CTNND2: variants seen among roughly 807,000 people sequenced by gnomAD.
The protein encoded by CTNND2 is catenin delta-2.
A neutral mutation model predicts 144.4 loss-of-function variants in CTNND2; 22 were observed. That is an observed-to-expected ratio of 0.15 (90% confidence interval 0.11 to 0.22). The LOEUF is 0.22. Among genes scored for constraint, CTNND2 ranks in the 10% least tolerant of loss-of-function variants. The probability of loss-of-function intolerance (pLI) is 1.00; values close to 1 mark genes in which losing one functional copy is unlikely to be tolerated. For missense variants in CTNND2, 1,353 were observed against 1,618.8 expected, an observed-to-expected ratio of 0.84 and a Z score of 2.82; for synonymous variants, 751 against 695.6, an observed-to-expected ratio of 1.08 and a Z score of -1.25.
At chr5:11,088,308 G>A (rs1051697477) in intron 15 of CTNND2, among the ~76,000 whole-genome samples, 10 of 152,148 alleles carry the variant, frequency 6.6e-5, no homozygotes, top group South Asian at 6.2e-4. Flanking sequence ...TGACCACAGT[G>A]GAGGTCCAAA....
intron 12 of CTNND2, among the ~76,000 whole-genome samples, chr5:11,146,861 G>T (rs1757290377): frequency 6.6e-6 from 1 of 152,188 alleles, no homozygotes; most frequent in South Asian, 2.1e-4. Flanking sequence ...CAGTTACATG[G>T]CTCTACCCAA....
intron 16 of CTNND2, among the ~76,000 whole-genome samples, chr5:11,060,851 G>A (rs1746886010): frequency 6.6e-6 from 1 of 152,166 alleles, no homozygotes. Flanking sequence ...GGGTTAATGA[G>A]CCAAGAAATG....
intron 18 of CTNND2, among the ~76,000 whole-genome samples, chr5:11,012,580 C>T (rs1361496933): frequency 1.3e-5 from 2 of 152,174 alleles, no homozygotes; most frequent in Non-Finnish European, 2.9e-5. Context: ...CATGGTGTTC[C>T]GCCCCTCAGC....
chr5:11,632,248 C>T (rs754730871), intron 2 of CTNND2, among the ~76,000 whole-genome samples: 21 of 152,012 alleles, frequency 1.4e-4, no homozygotes, highest in African/African-American at 4.6e-4. Context: ...TATCAACAGA[C>T]GTATACCAGC....
In CTNND2 at chr5:11,725,610, A is replaced by G. The variant is rs560480817; in HGVS notation, c.174+6526T>C. ...GAGGTTGTGTAGTGTAGTGGGGGGG[A>G]AAAGCACTGAATTTGAAGTAAAACA... On this transcript the variant is annotated intron_variant, in intron 2 of 21. Coordinates refer to ENST00000304623, the MANE Select transcript of CTNND2 (RefSeq NM_001332.4). Among the ~76,000 whole-genome samples the G allele has an allele frequency of 1.5e-3, 221 of 152,086 alleles. 1 individual carries two copies. Among genetic ancestry groups the G allele is most frequent in the Middle Eastern group, 3.4e-3 (1 of 294 alleles).
chr5:11,760,325 G>T (rs908096082), intron 1 of CTNND2, among the ~76,000 whole-genome samples: 5 of 152,028 alleles, frequency 3.3e-5, no homozygotes, highest in African/African-American at 9.7e-5. Flanking sequence ...TACTCCACAG[G>T]AGCCTGGGAC....
intron 9 of CTNND2, among the ~76,000 whole-genome samples, chr5:11,262,406 A>G (rs745537653): frequency 2.6e-5 from 4 of 152,072 alleles, no homozygotes; most frequent in Non-Finnish European, 5.9e-5. Context: ...GCTCCATACT[A>G]TTTTCTAGAC....
intron 1 of CTNND2, among the ~76,000 whole-genome samples, chr5:11,786,522 T>A (rs1338622163): frequency 6.6e-6 from 1 of 152,210 alleles, no homozygotes; most frequent in Non-Finnish European, 1.5e-5. Context: ...GATAATTCAA[T>A]TCTTCCCTAA....
intron 16 of CTNND2, among the ~76,000 whole-genome samples, chr5:11,064,585 G>T (rs1035920646): frequency 2.0e-5 from 3 of 151,812 alleles, no homozygotes; most frequent in African/African-American, 7.3e-5. Context: ...ATGCAGTAAG[G>T]GTCACTTGGG....
intron 9 of CTNND2, among the ~76,000 whole-genome samples, chr5:11,292,542 C>A (rs1439947368): frequency 1.3e-5 from 2 of 152,126 alleles, no homozygotes; most frequent in Non-Finnish European, 2.9e-5. Flanking sequence ...TGAGTGAATT[C>A]TCACAAGATT....
chr5:11,618,324 G>A (rs928420105), intron 2 of CTNND2, among the ~76,000 whole-genome samples: 3 of 152,160 alleles, frequency 2.0e-5, no homozygotes, highest in Admixed American at 6.5e-5. Context: ...ACACGTTAAA[G>A]TTTCTGCAAA....
chr5:11,555,276 G>C (rs1776129484), intron 3 of CTNND2, among the ~76,000 whole-genome samples: 1 of 152,162 alleles, frequency 6.6e-6, no homozygotes, highest in African/African-American at 2.4e-5. Flanking sequence ...AGTTGACAAG[G>C]CTCAGCAAAG....
At chr5:11,564,871 A>C in intron 3 of CTNND2, 73 bp downstream of exon 3, 1 of 1,010,846 alleles carries the variant, frequency 9.9e-7, no homozygotes, top group Non-Finnish European at 1.5e-6. Flanking sequence ...CCGGGTTGGA[A>C]AGAAGAGAAA....
chr5:11,333,067 T>C (rs765803756), intron 9 of CTNND2, among the ~76,000 whole-genome samples: 1 of 152,230 alleles, frequency 6.6e-6, no homozygotes, highest in African/African-American at 2.4e-5. Context: ...AATGGACTAA[T>C]ACATATTCAT....
intron 16 of CTNND2, among the ~76,000 whole-genome samples, chr5:11,051,478 T>C (rs931644133): frequency 6.6e-6 from 1 of 152,230 alleles, no homozygotes; most frequent in African/African-American, 2.4e-5. Context: ...TTCAAGCTCA[T>C]GCATTTGGAA....
intron 2 of CTNND2, among the ~76,000 whole-genome samples, chr5:11,699,085 T>C (rs10077555): frequency 0.12 from 18,328 of 151,850 alleles, 3,668 homozygotes; most frequent in African/African-American, 0.42. Flanking sequence ...AATCTACTTA[T>C]ACTTTTAAAA....
At chr5:11,815,853 G>A (rs189896221) in intron 1 of CTNND2, among the ~76,000 whole-genome samples, 1 of 152,322 alleles carries the variant, frequency 6.6e-6, no homozygotes, top group Admixed American at 6.5e-5. Context: ...TTGCTAGCAA[G>A]TGGTGGCTCT....
intron 1 of CTNND2, among the ~76,000 whole-genome samples, chr5:11,897,979 C>G (rs1199293028): frequency 6.6e-6 from 1 of 152,186 alleles, no homozygotes; most frequent in Non-Finnish European, 1.5e-5. Flanking sequence ...AAGCAGCTTG[C>G]CTTGCTGCTT....
At position 11,384,811 on chromosome 5, in the gene CTNND2, G is replaced by C; in HGVS notation, c.1031C>G (p.Ser344Trp). The change falls in exon 7 of 22, where the codon TCG (serine) becomes TGG (tryptophan). Residue 344 changes from serine (S) to tryptophan (W), a missense_variant. Around this residue, in one of 4 missense-constraint regions of CTNND2, gnomAD observed 708 missense variants for 706.4 expected, o/e 1.00. Transcript: ENST00000304623. The surrounding 1 kb of genome is among the most constrained non-coding windows in gnomAD (Gnocchi z 5.2). ...GGTGGAGCTCAGCTGGTGGATGGGC[G>C]AGGAGGAGATGGTGGACTGCACGGT... ...PPTVQSTISS[S>W]PIHQLSSTIG... 1.2e-6 allele frequency: 2 copies of C among 1,613,302 alleles called. No individual in the cohort carries two copies. The highest frequency in any genetic ancestry group is 1.7e-6 in the Non-Finnish European group (2 of 1,179,758).
Sources: allele counts gnomAD v4.1 joint callset (sites outside exome capture counted in the v4.1 genomes callset), GRCh38; gene constraint gnomAD v4.1.1; regional missense constraint gnomAD v4.1.1; non-coding constraint Gnocchi (gnomAD v3.1); transcripts MANE v1.5; gene names NCBI Gene and HGNC (gene_info 2026-07-23, HGNC 2026-07-21).